Variants in CYP2A13 observed in about 807,000 individuals in gnomAD.
CYP2A13 encodes the protein cytochrome P450 family 2 subfamily A member 13, also known as cytochrome P450 2A13.
A neutral mutation model predicts 39.4 loss-of-function variants in CYP2A13; 30 were observed. That is an observed-to-expected ratio of 0.76 (90% CI 0.57 to 1.03). CYP2A13 has a LOEUF of 1.03. CYP2A13 is among the 50% of genes least tolerant of loss of function. The pLI is 0.00. For missense variants in CYP2A13, 731 were observed against 648.4 expected (o/e 1.13, Z -1.38); for synonymous variants, 269 against 254.7 (o/e 1.06, Z -0.54).
chr19:41,089,099 G>C lies in CYP2A13; in HGVS notation c.343+8G>C, dbSNP rs199569948. 3,459 of 1,611,842 alleles carry C rather than the reference G, an allele frequency of 2.1e-3. 9 individuals carry two copies. Among genetic ancestry groups the C allele is most frequent in the Non-Finnish European group, 2.7e-3 (3,209 of 1,179,626 alleles). On this transcript the variant is annotated splice_region_variant and intron_variant, in intron 2 of 8. Coordinates refer to ENST00000330436, the MANE Select transcript of CYP2A13 (RefSeq NM_000766.5). ...GGCTCTTCAAAGGCTATGGTGAGGG[G>C]GTGCCCAAGAGGGGGAAGGTGGCCA...
At chr19:41,095,626 G>C (rs1429922953) in intron 8 of CYP2A13, 134 bp from the exon 9 acceptor site, 16 of 1,169,010 alleles carry the variant, frequency 1.4e-5, no homozygotes, top group Non-Finnish European at 1.7e-5. Context: ...GGGAGGATCG[G>C]AGTCTCCTCT....
Position 41,095,002 on chromosome 19 carries a change from C to A in CYP2A13, c.1205C>A (p.Pro402His), listed in dbSNP as rs140896123. ...ATGCTGGGCTCCGTGCTGAGAGACC[C>A]CAGGTTCTTCTCCAACCCCCGGGAC... is the stretch of plus-strand genomic sequence containing the variant. The part of the protein sequence containing the change: ...FPMLGSVLRD[P>H]RFFSNPRDFN... Residue 402 changes from proline to histidine, a missense_variant, in exon 8 of 9, where the codon CCC becomes CAC. By Grantham distance (77) the Pro-to-His change is moderately conservative. Transcript: ENST00000330436. 6.2e-7 allele frequency: 1 copy of A among 1,614,114 alleles called. No individual in the cohort carries two copies. Among genetic ancestry groups the A allele is most frequent in the Non-Finnish European group, 8.5e-7 (1 of 1,180,020 alleles).
intron 8 of CYP2A13, among the ~76,000 whole-genome samples, chr19:41,095,359 A>G (rs559431643): frequency 6.6e-6 from 1 of 152,282 alleles, no homozygotes; most frequent in East Asian, 1.9e-4. Flanking sequence ...AGCTCCCTGA[A>G]AAGGAGATAA....
chr19:41,089,480 T>G (rs2031120240), intron 2 of CYP2A13, among the ~76,000 whole-genome samples: 1 of 152,138 alleles, frequency 6.6e-6, no homozygotes, highest in Non-Finnish European at 1.5e-5. Flanking sequence ...CTCCCACTTC[T>G]TCCTCTGTCT....
intron 4 of CYP2A13, 49 bp downstream of exon 4, chr19:41,090,613 TG>T: frequency 6.2e-7 from 1 of 1,613,150 alleles, no homozygotes; most frequent in South Asian, 1.1e-5. Context: ...ACCTGCCAAC[TG>T]CTCCCCTACC....
intron 4 of CYP2A13, 90 bp downstream of exon 4, chr19:41,090,654 C>G (rs939590491): frequency 2.0e-5 from 31 of 1,583,830 alleles, no homozygotes; most frequent in East Asian, 1.1e-4. Flanking sequence ...CTCCCACCCC[C>G]CTCCAGACAG....
chr19:41,096,150 A>C lies in CYP2A13; in HGVS notation c.*209A>C. 2.9e-6 allele frequency: 2 copies of C among 699,836 alleles called. No individual in the cohort carries two copies. The highest frequency in any genetic ancestry group is 4.8e-6 in the Non-Finnish European group (2 of 418,020). The allele number at this position is 699,836 out of a possible 1,614,324, so 43.4% of individuals were successfully genotyped here. A position where few individuals can be genotyped will look rare whatever the true frequency, so the allele number is the denominator to read the frequency against. ...GTGATGAGAGGAAGGGAAACCTTACAGTATGCTACAAAGAGTAGTAATAAT... is the reference window on the plus strand; with the variant it reads ...GTGATGAGAGGAAGGGAAACCTTACCGTATGCTACAAAGAGTAGTAATAAT... On this transcript the variant is annotated 3_prime_UTR_variant, in exon 9 of 9. Coordinates refer to ENST00000330436, the MANE Select transcript of CYP2A13 (RefSeq NM_000766.5).
chr19:41,094,659 CA>C (rs1364462791), intron 7 of CYP2A13, among the ~76,000 whole-genome samples: 1 of 152,142 alleles, frequency 6.6e-6, no homozygotes, highest in Non-Finnish European at 1.5e-5. Flanking sequence ...CCCATGTTCC[CA>C]AACTTCCTGT....
Position 41,090,385 on chromosome 19 carries a change from T to G in CYP2A13, c.494-19T>G. On this transcript the variant is annotated intron_variant, in intron 3 of 8. Coordinates refer to ENST00000330436, the MANE Select transcript of CYP2A13 (RefSeq NM_000766.5). ...GAGTTGACTCTCTCCCCAACCCCCT[T>G]CTCCCGCCACACCTGCAGGCGCCAA... is the stretch of plus-strand genomic sequence containing the variant. The G allele has an allele frequency of 2.5e-6, 4 of 1,613,280 alleles. No individual in the cohort carries two copies. The highest frequency in any genetic ancestry group is 3.4e-6 in the Non-Finnish European group (4 of 1,179,872).
At chr19:41,095,602 G>C (rs190730696) in intron 8 of CYP2A13, among the ~76,000 whole-genome samples, 158 bp from the exon 9 acceptor site, 1 of 152,054 alleles carries the variant, frequency 6.6e-6, no homozygotes, top group African/African-American at 2.4e-5. Flanking sequence ...CTTATAGAAG[G>C]AAACTGAAGC....
chr19:41,090,701 G>A lies in CYP2A13; in HGVS notation c.654+137G>A, dbSNP rs576361296. ...AATCAGTCCCCGATATTGGACAACTGGACGGTTGCACCAGAACCCAGGAGG... is the reference window on the plus strand; with the variant it reads ...AATCAGTCCCCGATATTGGACAACTAGACGGTTGCACCAGAACCCAGGAGG... On this transcript the variant is annotated intron_variant, in intron 4 of 8. Coordinates refer to ENST00000330436, the MANE Select transcript of CYP2A13 (RefSeq NM_000766.5). 3.6e-6 allele frequency: 5 copies of A among 1,391,388 alleles called. No individual in the cohort carries two copies. The East Asian group carries it at 7.0e-5, about 20-fold the overall frequency. The allele number at this position is 1,391,388 out of a possible 1,614,324, so 86.2% of individuals were successfully genotyped here. A position where few individuals can be genotyped will look rare whatever the true frequency, so the allele number is the denominator to read the frequency against.
chr19:41,096,188 T>C lies in CYP2A13; in HGVS notation c.*247T>C. The C allele has an allele frequency of 1.7e-6, 1 of 602,396 alleles. No homozygotes were observed. The highest frequency in any genetic ancestry group is 2.9e-5 in the East Asian group (1 of 34,392). 37.3% of individuals were successfully genotyped at this position (602,396 alleles called of 1,614,324 possible). On this transcript the variant is annotated 3_prime_UTR_variant, in exon 9 of 9. Transcript: ENST00000330436. ...GAGTAGTAATAATAGCAGCTCTTAT[T>C]TCCTGAACAAGTACCTCCGTGTCAG... is the stretch of plus-strand genomic sequence containing the variant.
chr19:41,094,813 C>T, intron 7 of CYP2A13, 146 bp from the exon 8 acceptor site: 1 of 883,248 alleles, frequency 1.1e-6, no homozygotes, highest in South Asian at 1.6e-5. Flanking sequence ...TTCTATCCCC[C>T]AAAGCTCCTC....
chr19:41,089,684 CTCTT>C (rs927657704), intron 2 of CYP2A13, among the ~76,000 whole-genome samples: 1 of 151,528 alleles, frequency 6.6e-6, no homozygotes, highest in Non-Finnish European at 1.5e-5. Context: ...CTCCATCTCT[CTCTT>C]TCTCTCCCCA....
intron 4 of CYP2A13, 41 bp downstream of exon 4, chr19:41,090,605 C>A (rs2031169133): frequency 1.9e-6 from 3 of 1,613,544 alleles, no homozygotes; most frequent in Non-Finnish European, 1.7e-6. Flanking sequence ...CTACCACAAC[C>A]TGCCAACTGC....
At chr19:41,088,680 C>G (rs376851582) in intron 1 of CYP2A13, 29 bp downstream of exon 1, 2 of 1,599,804 alleles carry the variant, frequency 1.3e-6, no homozygotes, top group Non-Finnish European at 1.7e-6. Flanking sequence ...ATGGGTGGCA[C>G]GGGGTGGGGG....
At position 41,091,804 on chromosome 19, in the gene CYP2A13, G is replaced by A. The variant is rs2031194811; in HGVS notation, c.727G>A (p.Gly243Arg). 2 of 1,614,044 alleles carry A rather than the reference G, an allele frequency of 1.2e-6. No individual in the cohort carries two copies. Among genetic ancestry groups the A allele is most frequent in the African/African-American group, 2.7e-5 (2 of 74,924 alleles). ...PQQQAFKELQGLEDFIAKKVE... is the reference protein window; with the variant it reads ...PQQQAFKELQRLEDFIAKKVE... Reference sequence around the variant, plus strand: ...GCAACAGGCCTTTAAGGAGCTGCAAGGGCTGGAGGACTTCATCGCCAAGAA... The same window carrying A: ...GCAACAGGCCTTTAAGGAGCTGCAAAGGCTGGAGGACTTCATCGCCAAGAA... Residue 243 changes from glycine to arginine, a missense_variant, in exon 5 of 9, where the codon GGG (glycine) becomes AGG (arginine). Transcript: ENST00000330436.
chr19:41,090,202 T>C lies in CYP2A13; in HGVS notation c.493+6T>C, dbSNP rs773878128. On this transcript the variant is annotated splice_donor_region_variant and intron_variant, in intron 3 of 8. Transcript: ENST00000330436. ...CGCCCTCCGGGGCACGCACGGTGAG[T>C]AGGGGACCCCGAGTGCGAGGGCGGG... 1.9e-6 allele frequency: 3 copies of C among 1,562,392 alleles called. No individual in the cohort carries two copies. Among genetic ancestry groups the C allele is most frequent in the African/African-American group, 2.7e-5 (2 of 73,686 alleles).
At chr19:41,090,815 G>T (rs1192174649) in intron 4 of CYP2A13, among the ~76,000 whole-genome samples, 1 of 152,154 alleles carries the variant, frequency 6.6e-6, no homozygotes, top group Non-Finnish European at 1.5e-5. Context: ...CATACCCTCA[G>T]CTCAGCTCTC....
Sources: allele counts gnomAD v4.1 joint callset (sites outside exome capture counted in the v4.1 genomes callset), GRCh38; gene constraint gnomAD v4.1.1; transcripts MANE v1.5; gene names NCBI Gene and HGNC (gene_info 2026-07-23, HGNC 2026-07-21).